Variants in KIF25 observed in about 807,000 individuals in gnomAD.
KIF25 encodes the protein kinesin family member 25, also known as kinesin-like protein KIF25.
Under a neutral mutation model 32.9 loss-of-function variants are expected in KIF25, and 19 were observed. The observed-to-expected ratio is 0.58, with a 90% confidence interval of 0.40 to 0.85. KIF25 has a LOEUF of 0.85. KIF25 is among the 40% of genes least tolerant of loss of function. KIF25 has a pLI of 0.00. For synonymous variants in KIF25, 225 were observed against 213.7 expected, an observed-to-expected ratio of 1.05 and a Z score of -0.46; for missense variants, 485 against 507.0, an observed-to-expected ratio of 0.96 and a Z score of 0.42.
Position 168,045,080 on chromosome 6 carries a change from A to C in KIF25, c.*84A>C. Reference sequence around the variant, plus strand: ...ATGTGCTTAGAAATAAACAGGTTTCACGTGGACTCAATAAACCTGGCTTTA... The same window carrying C: ...ATGTGCTTAGAAATAAACAGGTTTCCCGTGGACTCAATAAACCTGGCTTTA... On this transcript the variant is annotated 3_prime_UTR_variant, in exon 13 of 13. Transcript: ENST00000643607. The C allele has an allele frequency of 2.2e-6, 3 of 1,340,392 alleles. No individual in the cohort carries two copies. The highest frequency in any genetic ancestry group is 3.0e-6 in the Non-Finnish European group (3 of 993,694). The allele number at this position is 1,340,392 out of a possible 1,614,324, so 83.0% of individuals were successfully genotyped here.
rs182634341 is a variant in KIF25, at chr6:168,043,243, C to T, written c.985+527C>T. Among the ~76,000 whole-genome samples, 356 of 152,296 alleles carry T rather than the reference C, an allele frequency of 2.3e-3. 1 individual carries two copies. Among genetic ancestry groups the T allele is most frequent in the Admixed American group, 7.8e-3 (119 of 15,304 alleles). On this transcript the variant is annotated intron_variant, in intron 12 of 12. Transcript: ENST00000643607. ...GGAGCTCAGTTAGTGCCCCCTCCCC[C>T]GACTCAGACTCCAGACTGGTTGAAA...
chr6:168,024,881 T>C (rs1798838854), intron 5 of KIF25, among the ~76,000 whole-genome samples: 1 of 151,940 alleles, frequency 6.6e-6, no homozygotes, highest in East Asian at 1.9e-4. Context: ...TGAAACCTCA[T>C]CTCTACTAAA....
chr6:168,003,082 G>A (rs931459163), intron 3 of KIF25, among the ~76,000 whole-genome samples: 1 of 152,208 alleles, frequency 6.6e-6, no homozygotes, highest in Admixed American at 6.5e-5. Context: ...GTGCAGCCTG[G>A]TTTCTAACAG....
chr6:168,042,818 CCCTGCACCT>C, intron 12 of KIF25, 102 bp downstream of exon 12: 1 of 1,330,136 alleles, frequency 7.5e-7, no homozygotes. Context: ...CCCATGCACC[CCCTGCACCT>C]CCTGTGTCCT....
At chr6:168,032,035 A>T (rs888137416) in intron 7 of KIF25, among the ~76,000 whole-genome samples, 1 of 152,202 alleles carries the variant, frequency 6.6e-6, no homozygotes, top group Non-Finnish European at 1.5e-5. Context: ...AAGGTAAAGG[A>T]TTATGGAGAC....
intron 9 of KIF25, among the ~76,000 whole-genome samples, chr6:168,038,933 CT>C (rs1220246169): frequency 6.6e-6 from 1 of 152,162 alleles, no homozygotes; most frequent in Admixed American, 6.5e-5. Flanking sequence ...TGTTGCACAA[CT>C]CTCAATTTGC....
At chr6:168,030,657 T>A in intron 6 of KIF25, 116 bp from the exon 7 acceptor site, 1 of 664,466 alleles carries the variant, frequency 1.5e-6, no homozygotes, top group East Asian at 2.7e-5. Context: ...AGAATCCTGA[T>A]GGCGTTGGGG....
chr6:168,034,061 G>T (rs1798981870), intron 8 of KIF25, 30 bp downstream of exon 8: 1 of 1,608,736 alleles, frequency 6.2e-7, no homozygotes, highest in African/African-American at 1.3e-5. Flanking sequence ...GTGGGGCAGA[G>T]AAATATGGCA....
At chr6:168,002,315 TGAGGCGTGGCCTCGGGCAGGTGAGA>T (rs1798518910) in intron 2 of KIF25, among the ~76,000 whole-genome samples, 1 of 142,968 alleles carries the variant, frequency 7.0e-6, no homozygotes, top group Admixed American at 6.8e-5. Flanking sequence ...GAAAGACACC[TGAGGCGTGGCCTCGGGCAGGTGAGA>T]AGACACCTGA....
intron 4 of KIF25, among the ~76,000 whole-genome samples, chr6:168,004,015 A>G (rs1403512221): frequency 6.6e-6 from 1 of 152,220 alleles, no homozygotes; most frequent in Non-Finnish European, 1.5e-5. Context: ...AATCAGTGAT[A>G]TCATGGGTGA....
intron 5 of KIF25, among the ~76,000 whole-genome samples, chr6:168,025,125 G>C (rs943732671): frequency 9.2e-5 from 14 of 152,310 alleles, no homozygotes; most frequent in African/African-American, 3.1e-4. Context: ...CTGGGGAAGA[G>C]GCCTTGAGCC....
intron 5 of KIF25, among the ~76,000 whole-genome samples, chr6:168,025,350 T>A (rs1798845440): frequency 6.6e-6 from 1 of 152,212 alleles, no homozygotes; most frequent in South Asian, 2.1e-4. Flanking sequence ...CTTGGAATAG[T>A]GTTTGGCACA....
At chr6:168,005,773 T>A (rs1234267470) in intron 4 of KIF25, among the ~76,000 whole-genome samples, 1 of 152,216 alleles carries the variant, frequency 6.6e-6, no homozygotes, top group Non-Finnish European at 1.5e-5. Context: ...TGCTTTATAT[T>A]TGCTGGCGGC....
At chr6:168,018,464 A>G (rs1280097483) in intron 5 of KIF25, among the ~76,000 whole-genome samples, 2 of 152,254 alleles carry the variant, frequency 1.3e-5, no homozygotes, top group Admixed American at 6.5e-5. Context: ...TTTTCAACCT[A>G]CAATGGGTTT....
At chr6:168,043,918 C>T (rs928296210) in intron 12 of KIF25, among the ~76,000 whole-genome samples, 1 of 152,218 alleles carries the variant, frequency 6.6e-6, no homozygotes, top group South Asian at 2.1e-4. Context: ...AAGTCCTGGG[C>T]ACACGGCCCC....
intron 7 of KIF25, among the ~76,000 whole-genome samples, chr6:168,032,261 G>A (rs954787140): frequency 6.6e-6 from 1 of 152,234 alleles, no homozygotes; most frequent in African/African-American, 2.4e-5. Context: ...AGATGGCTGG[G>A]GGGCCTTAGA....
chr6:168,008,845 A>G (rs1798611663), intron 4 of KIF25, among the ~76,000 whole-genome samples: 2 of 152,178 alleles, frequency 1.3e-5, no homozygotes, highest in Admixed American at 1.3e-4. Context: ...TTGTATATAA[A>G]TGGGAGTGCC....
chr6:168,000,794 G>A lies in KIF25; in HGVS notation c.-370+1474G>A, dbSNP rs7763105. Among the ~76,000 whole-genome samples the A allele has an allele frequency of 1.8e-3, 253 of 141,136 alleles. 2 individuals carry two copies. Among genetic ancestry groups the A allele is most frequent in the Middle Eastern group, 0.018 (5 of 282 alleles). The allele number at this position is 141,136 out of a possible 152,430, so 92.6% of individuals were successfully genotyped here. On this transcript the variant is annotated intron_variant, in intron 2 of 12. Transcript: ENST00000643607. ...ATGCACCAGTTTGCTAGGGGCACTG[G>A]GTCCCACTCCTGACTTTGCTTTGCT... is the stretch of plus-strand genomic sequence containing the variant.
At chr6:168,034,484 C>G (rs1445767675) in intron 8 of KIF25, among the ~76,000 whole-genome samples, 2 of 152,164 alleles carry the variant, frequency 1.3e-5, no homozygotes, top group African/African-American at 4.8e-5. Flanking sequence ...GTCTCAAACT[C>G]CTGACCTTAG....
Sources: gnomAD v4.1 joint callset for allele counts (sites outside exome capture counted in the v4.1 genomes callset) on GRCh38, gnomAD v4.1.1 for gene constraint, MANE v1.5 for transcripts, NCBI Gene and HGNC (gene_info 2026-07-23, HGNC 2026-07-21) for gene names.